Variants in CTXND1 observed in about 807,000 individuals in gnomAD.
CTXND1 encodes cortexin domain containing 1.
At chr15:80,210,618 G>A (rs1451588331) in intron 1 of CTXND1, among the ~76,000 whole-genome samples, 3 of 152,184 alleles carry the variant, frequency 2.0e-5, no homozygotes, top group Non-Finnish European at 4.4e-5. Context: ...ATCTATGAAA[G>A]GCACCAGCTT....
intron 1 of CTXND1, among the ~76,000 whole-genome samples, chr15:80,247,802 C>T (rs952216534): frequency 6.6e-6 from 1 of 150,814 alleles, no homozygotes; most frequent in Non-Finnish European, 1.5e-5. Flanking sequence ...CTTCTGCAGA[C>T]ACTGAGAATG....
chr15:80,249,656 G>A (rs1170022976), intron 1 of CTXND1, among the ~76,000 whole-genome samples: 1 of 152,192 alleles, frequency 6.6e-6, no homozygotes, highest in Non-Finnish European at 1.5e-5. Flanking sequence ...GGCAGAGCCA[G>A]GACTAAACAC....
intron 1 of CTXND1, among the ~76,000 whole-genome samples, chr15:80,236,012 C>T (rs181827193): frequency 6.8e-6 from 1 of 146,454 alleles, no homozygotes; most frequent in Admixed American, 7.0e-5. Flanking sequence ...GTGCTGGGAA[C>T]CATACTAGAT....
chr15:80,200,874 A>G lies in CTXND1; in HGVS notation c.*896T>C, dbSNP rs899292515. On this transcript the variant is annotated 3_prime_UTR_variant, in exon 3 of 3. Coordinates refer to ENST00000560778, the MANE Select transcript of CTXND1 (RefSeq NM_001352888.2). Reference sequence around the variant, plus strand: ...AAATAATTAAATATGCAACCAAAGGAGATGATTTTTTAACCATGACCTACC... The same window carrying G: ...AAATAATTAAATATGCAACCAAAGGGGATGATTTTTTAACCATGACCTACC... 6.6e-6 allele frequency: 1 copy of G among 152,186 alleles called. No individual in the cohort carries two copies. The highest frequency in any genetic ancestry group is 2.4e-5 in the African/African-American group (1 of 41,448). The allele number at this position is 152,186 out of a possible 1,614,324, so 9.4% of individuals were successfully genotyped here.
At chr15:80,250,528 G>C (rs1305387897) in intron 1 of CTXND1, among the ~76,000 whole-genome samples, 8 of 152,128 alleles carry the variant, frequency 5.3e-5, no homozygotes, top group Admixed American at 2.0e-4. Flanking sequence ...ATCATAAACA[G>C]TGTTACTGGG....
chr15:80,227,101 A>G (rs940043030), intron 1 of CTXND1, among the ~76,000 whole-genome samples: 1 of 152,206 alleles, frequency 6.6e-6, no homozygotes, highest in Non-Finnish European at 1.5e-5. Flanking sequence ...TTTGTAAAGT[A>G]CATCATTTTC....
At position 80,195,860 on chromosome 15, in the gene CTXND1, A is replaced by G. The variant is rs1417648502; in HGVS notation, c.*5910T>C. 1 of 152,228 alleles carries G rather than the reference A, an allele frequency of 6.6e-6. No individual in the cohort carries two copies. The highest frequency in any genetic ancestry group is 6.5e-5 in the Admixed American group (1 of 15,280). 9.4% of individuals were successfully genotyped at this position (152,228 alleles called of 1,614,324 possible). A position where few individuals can be genotyped will look rare whatever the true frequency, so the allele number is the denominator to read the frequency against. On this transcript the variant is annotated 3_prime_UTR_variant, in exon 3 of 3. Transcript: ENST00000560778. The stretch of plus-strand genomic sequence containing the variant: ...GAAACCTTAGGTTTTGTGGGTTTGG[A>G]AATCTCTAGTGACCAAGAGGAACTG...
Position 80,200,980 on chromosome 15 carries a change from C to A in CTXND1, c.*790G>T, listed in dbSNP as rs1394529372. On this transcript the variant is annotated 3_prime_UTR_variant, in exon 3 of 3. Transcript: ENST00000560778. ...TGTAATGGGGAAGTATTCCTGCTAT[C>A]ATATGAGGCGATACAACATCATGCA... 6.6e-6 allele frequency: 1 copy of A among 152,140 alleles called. No individual in the cohort carries two copies. Among genetic ancestry groups the A allele is most frequent in the East Asian group, 1.9e-4 (1 of 5,196 alleles). 9.4% of individuals were successfully genotyped at this position (152,140 alleles called of 1,614,324 possible).
At chr15:80,231,974 G>A (rs951138257) in intron 1 of CTXND1, among the ~76,000 whole-genome samples, 12 of 152,282 alleles carry the variant, frequency 7.9e-5, no homozygotes, top group Middle Eastern at 3.4e-3. Context: ...CCAGGTCCCA[G>A]GAACTTAGGA....
intron 1 of CTXND1, among the ~76,000 whole-genome samples, chr15:80,239,960 T>C (rs1051475374): frequency 1.3e-5 from 2 of 152,232 alleles, no homozygotes; most frequent in African/African-American, 2.4e-5. Context: ...CATAATTTTG[T>C]ATTACTTTAT....
chr15:80,238,364 G>A (rs909886300), intron 1 of CTXND1, among the ~76,000 whole-genome samples: 1 of 152,078 alleles, frequency 6.6e-6, no homozygotes, highest in Non-Finnish European at 1.5e-5. Context: ...TGTGTCATAT[G>A]ATTTTTATGT....
At chr15:80,232,339 C>A (rs1425124028) in intron 1 of CTXND1, among the ~76,000 whole-genome samples, 1 of 152,194 alleles carries the variant, frequency 6.6e-6, no homozygotes, top group Non-Finnish European at 1.5e-5. Flanking sequence ...TATCTTAGAT[C>A]AGACTCGTGG....
intron 1 of CTXND1, among the ~76,000 whole-genome samples, chr15:80,235,260 A>C (rs527570215): frequency 6.6e-6 from 1 of 152,182 alleles, no homozygotes; most frequent in African/African-American, 2.4e-5. Context: ...GCAGGACCTA[A>C]TAGATAGCCT....
At chr15:80,215,155 G>A (rs1286203114) in intron 1 of CTXND1, among the ~76,000 whole-genome samples, 2 of 152,206 alleles carry the variant, frequency 1.3e-5, no homozygotes, top group Non-Finnish European at 2.9e-5. Flanking sequence ...CTCCAGTCCA[G>A]CAGCCAGACC....
chr15:80,249,997 T>C (rs1893676055), intron 1 of CTXND1, among the ~76,000 whole-genome samples: 1 of 152,212 alleles, frequency 6.6e-6, no homozygotes, highest in South Asian at 2.1e-4. Context: ...ACCATGTCAG[T>C]TTTATAAACA....
intron 1 of CTXND1, among the ~76,000 whole-genome samples, chr15:80,219,676 C>T (rs765460333): frequency 2.4e-4 from 36 of 152,146 alleles, no homozygotes; most frequent in South Asian, 4.1e-4. Context: ...CACTTCATAC[C>T]CTTGGCATGA....
chr15:80,204,465 G>A (rs1001560499), intron 1 of CTXND1, among the ~76,000 whole-genome samples: 1 of 150,950 alleles, frequency 6.6e-6, no homozygotes, highest in East Asian at 1.9e-4. Flanking sequence ...GCCCGGGGCG[G>A]CCACCATTCT....
At chr15:80,243,435 T>A (rs1380786364) in intron 1 of CTXND1, among the ~76,000 whole-genome samples, 2 of 152,156 alleles carry the variant, frequency 1.3e-5, no homozygotes, top group Non-Finnish European at 1.5e-5. Flanking sequence ...TGACGGCCAC[T>A]CACGGGGTGA....
At chr15:80,232,633 C>CA (rs1181453635) in intron 1 of CTXND1, among the ~76,000 whole-genome samples, 1 of 152,148 alleles carries the variant, frequency 6.6e-6, no homozygotes, top group Non-Finnish European at 1.5e-5. Flanking sequence ...GCCTCAGGCC[C>CA]AGGCCTCCCT....
Sources: allele counts gnomAD v4.1 joint callset (sites outside exome capture counted in the v4.1 genomes callset), GRCh38; gene constraint gnomAD v4.1.1; transcripts MANE v1.5; gene names NCBI Gene and HGNC (gene_info 2026-07-23, HGNC 2026-07-21).